RPS6KC1: variants seen among roughly 807,000 people sequenced by gnomAD.
RPS6KC1 encodes the protein inactive ribosomal protein S6 kinase delta-1.
RPS6KC1 carries 54 observed loss-of-function variants against 103.8 expected under a neutral mutation model. The ratio of observed to expected loss-of-function variants is 0.52; its 90% CI spans 0.42 to 0.65. The LOEUF (loss-of-function observed/expected upper bound fraction) is 0.65, where lower values mean the gene tolerates loss of function less well. Ranked by LOEUF, RPS6KC1 falls within the 30% of genes least tolerant of loss-of-function variation. The pLI, the probability that RPS6KC1 is intolerant of heterozygous loss-of-function variation, is 0.00. For missense variants in RPS6KC1, 1,151 were observed against 1,253.8 expected (o/e 0.92, Z 1.24); for synonymous variants, 439 against 438.7 (o/e 1.00, Z -0.01).
At chr1:213,247,146 G>A (rs2094466734) in intron 12 of RPS6KC1, among the ~76,000 whole-genome samples, 1 of 152,106 alleles carries the variant, frequency 6.6e-6, no homozygotes, top group African/African-American at 2.4e-5. Flanking sequence ...AGAATTTATA[G>A]GTGCATATGT....
At chr1:213,159,232 G>C (rs999265232) in intron 6 of RPS6KC1, among the ~76,000 whole-genome samples, 1 of 152,144 alleles carries the variant, frequency 6.6e-6, no homozygotes, top group African/African-American at 2.4e-5. Flanking sequence ...AAGTCTGGAC[G>C]AGTAGTTTCC....
chr1:213,243,029 T>C (rs2094390518), intron 12 of RPS6KC1, among the ~76,000 whole-genome samples: 1 of 152,098 alleles, frequency 6.6e-6, no homozygotes, highest in African/African-American at 2.4e-5. Flanking sequence ...CATACCTCAC[T>C]CTGTCACACA....
chr1:213,671,052 A>G, the RPS6KC1 span, among the ~76,000 whole-genome samples: 1 of 152,194 alleles, frequency 6.6e-6, no homozygotes, highest in Admixed American at 6.5e-5. Flanking sequence ...AAGCACAGAA[A>G]AGAAGGGAGA....
At chr1:213,418,722 G>T in the RPS6KC1 span, among the ~76,000 whole-genome samples, 1 of 152,232 alleles carries the variant, frequency 6.6e-6, no homozygotes, top group East Asian at 1.9e-4. Flanking sequence ...GGGTGGAGTT[G>T]TTGAGGCTCT....
the RPS6KC1 span, among the ~76,000 whole-genome samples, chr1:213,706,053 G>C: frequency 6.6e-6 from 1 of 152,166 alleles, no homozygotes; most frequent in African/African-American, 2.4e-5. Context: ...CCTGGGGTTG[G>C]GGGAAGAATG....
chr1:213,524,646 A>G, the RPS6KC1 span, among the ~76,000 whole-genome samples: 2 of 152,210 alleles, frequency 1.3e-5, no homozygotes, highest in Admixed American at 6.5e-5. Flanking sequence ...GTAAAGTCTC[A>G]GAATGCTGAG....
intron 9 of RPS6KC1, among the ~76,000 whole-genome samples, chr1:213,231,833 CTG>C (rs1377537163): frequency 6.6e-6 from 1 of 152,194 alleles, no homozygotes; most frequent in Non-Finnish European, 1.5e-5. Context: ...AGAGAAATAA[CTG>C]TGTGTCATCC....
intron 4 of RPS6KC1, among the ~76,000 whole-genome samples, chr1:213,115,803 G>C (rs986616796): frequency 2.0e-5 from 3 of 152,120 alleles, no homozygotes; most frequent in African/African-American, 7.2e-5. Flanking sequence ...CCTTCATTTT[G>C]TTATGTACGC....
intron 12 of RPS6KC1, among the ~76,000 whole-genome samples, chr1:213,248,187 C>T (rs192944970): frequency 1.3e-5 from 2 of 151,830 alleles, no homozygotes; most frequent in East Asian, 3.9e-4. Context: ...ATGACATAAC[C>T]AGGAGATACT....
chr1:213,604,854 T>A, the RPS6KC1 span, among the ~76,000 whole-genome samples: 5 of 151,706 alleles, frequency 3.3e-5, no homozygotes, highest in South Asian at 1.0e-3. Flanking sequence ...TGGGGAAGGG[T>A]GGGCAAGTGT....
At chr1:213,389,373 T>C in the RPS6KC1 span, among the ~76,000 whole-genome samples, 3 of 152,188 alleles carry the variant, frequency 2.0e-5, no homozygotes, top group Non-Finnish European at 4.4e-5. Context: ...GTGGAGTCAG[T>C]GCCTTGCTTG....
At chr1:213,459,951 A>G in the RPS6KC1 span, among the ~76,000 whole-genome samples, 3 of 151,958 alleles carry the variant, frequency 2.0e-5, no homozygotes, top group Non-Finnish European at 2.9e-5. Flanking sequence ...GGTCTGAGAG[A>G]CTGTTACAAT....
chr1:213,801,277 A>G, the RPS6KC1 span, among the ~76,000 whole-genome samples: 1 of 152,260 alleles, frequency 6.6e-6, no homozygotes, highest in African/African-American at 2.4e-5. Context: ...TTAAAGAAAT[A>G]TGCACATACT....
the RPS6KC1 span, among the ~76,000 whole-genome samples, chr1:213,652,145 T>C: frequency 6.6e-6 from 1 of 152,232 alleles, no homozygotes; most frequent in Admixed American, 6.5e-5. Context: ...GTGTAATTTA[T>C]TGATGAATGT....
the RPS6KC1 span, among the ~76,000 whole-genome samples, chr1:213,743,102 T>C: frequency 1.3e-5 from 2 of 152,232 alleles, no homozygotes; most frequent in African/African-American, 4.8e-5. Context: ...TTCATTGCTG[T>C]GCTGTTCACA....
At chr1:213,643,273 T>C in the RPS6KC1 span, among the ~76,000 whole-genome samples, 482 of 152,086 alleles carry the variant, frequency 3.2e-3, 6 homozygotes, top group African/African-American at 0.011. Flanking sequence ...TTCTCATCCA[T>C]GAACACCTTT....
At chr1:213,347,399 A>G in the RPS6KC1 span, among the ~76,000 whole-genome samples, 1 of 152,332 alleles carries the variant, frequency 6.6e-6, no homozygotes, top group South Asian at 2.1e-4. Flanking sequence ...ATAGTTATGT[A>G]TGTATATTAC....
chr1:213,655,900 G>A, the RPS6KC1 span, among the ~76,000 whole-genome samples: 1 of 152,158 alleles, frequency 6.6e-6, no homozygotes, highest in Non-Finnish European at 1.5e-5. Context: ...AGGAAACTCA[G>A]AAGTCCTCCC....
chr1:213,813,776 G>A, the RPS6KC1 span, among the ~76,000 whole-genome samples: 1 of 152,168 alleles, frequency 6.6e-6, no homozygotes, highest in Admixed American at 6.5e-5. Context: ...ATCTCTACGA[G>A]AGGAGCAGAG....
Sources: allele counts gnomAD v4.1 joint callset (sites outside exome capture counted in the v4.1 genomes callset), GRCh38; gene constraint gnomAD v4.1.1; transcripts MANE v1.5; gene names NCBI Gene and HGNC (gene_info 2026-07-23, HGNC 2026-07-21).